The following VSTM4 variants were observed in gnomAD, a reference collection of about 807,000 sequenced individuals.
VSTM4 encodes the protein V-set and transmembrane domain-containing protein 4.
A neutral mutation model predicts 36.4 loss-of-function variants in VSTM4; 20 were observed. The observed-to-expected ratio is 0.55, with a 90% CI of 0.39 to 0.80. VSTM4 has a LOEUF of 0.80. VSTM4 is among the 30% of genes least tolerant of loss of function. The pLI is 0.00. For synonymous variants in VSTM4, 182 were observed against 173.9 expected (o/e 1.05, Z -0.37); for missense variants, 392 against 404.5 (o/e 0.97, Z 0.26).
chr10:49,038,469 G>C (rs1402822965), intron 7 of VSTM4, among the ~76,000 whole-genome samples: 8 of 152,172 alleles, frequency 5.3e-5, no homozygotes, highest in African/African-American at 1.7e-4. Context: ...GGAGTGGGGG[G>C]TGTTTCTTGA....
At chr10:49,039,206 G>A (rs2250602) in intron 7 of VSTM4, among the ~76,000 whole-genome samples, 80,367 of 151,782 alleles carry the variant, frequency 0.53, 22,361 homozygotes, top group East Asian at 0.72. Flanking sequence ...GCAGCTCTGC[G>A]GGAGGATGAG....
chr10:49,108,303 T>G (rs1457600227), intron 1 of VSTM4, among the ~76,000 whole-genome samples: 1 of 152,244 alleles, frequency 6.6e-6, no homozygotes, highest in East Asian at 1.9e-4. Flanking sequence ...TCAAATTTCA[T>G]GTAAAAGATT....
intron 5 of VSTM4, among the ~76,000 whole-genome samples, chr10:49,054,608 A>T (rs1296790460): frequency 3.3e-5 from 5 of 152,238 alleles, no homozygotes; most frequent in Admixed American, 3.3e-4. Flanking sequence ...CACTAAGAGT[A>T]TTTGGGAGCA....
At position 49,070,252 on chromosome 10, in the gene VSTM4, CAAAAAAAA is replaced by C. The variant is rs780515012; in HGVS notation, c.635-5524_635-5517del. 7.8e-4 allele frequency among the ~76,000 whole-genome samples: 17 copies of C among 21,724 alleles called. 3 individuals are homozygous for C. The highest frequency in any genetic ancestry group is 4.2e-3 in the African/African-American group (17 of 4,036). 14.3% of individuals were successfully genotyped at this position (21,724 alleles called of 152,430 possible). ...TGGGCGACAGAGCGAGACTCCGTCT[CAAAAAAAA>C]AAAAAAAAAAAAAAAAAAAGAAATA... On this transcript the variant is annotated intron_variant, in intron 4 of 7. Coordinates refer to ENST00000332853, the MANE Select transcript of VSTM4 (RefSeq NM_001031746.5).
chr10:49,060,103 A>G (rs1034586060), intron 5 of VSTM4, among the ~76,000 whole-genome samples: 1 of 152,190 alleles, frequency 6.6e-6, no homozygotes, highest in East Asian at 1.9e-4. Context: ...TTTCCAATTC[A>G]CAAGTTGATG....
At chr10:49,073,081 C>T (rs1844110489) in intron 4 of VSTM4, among the ~76,000 whole-genome samples, 1 of 152,214 alleles carries the variant, frequency 6.6e-6, no homozygotes, top group African/African-American at 2.4e-5. Context: ...CCATATTTAT[C>T]ATATCCTTTC....
chr10:49,076,210 A>C (rs1432777719), intron 4 of VSTM4, among the ~76,000 whole-genome samples: 1 of 152,166 alleles, frequency 6.6e-6, no homozygotes, highest in African/African-American at 2.4e-5. Context: ...AAGCTCTATG[A>C]CCTTGAGCTA....
intron 7 of VSTM4, among the ~76,000 whole-genome samples, chr10:49,027,692 T>C (rs1843284649): frequency 6.6e-6 from 1 of 152,226 alleles, no homozygotes. Flanking sequence ...CAAAGAATCA[T>C]ACAGTGTGTA....
chr10:49,026,148 G>C (rs1170464082), intron 7 of VSTM4, among the ~76,000 whole-genome samples: 1 of 152,198 alleles, frequency 6.6e-6, no homozygotes, highest in East Asian at 1.9e-4. Flanking sequence ...TCTTAAGACA[G>C]AGAGGCAACA....
chr10:49,111,183 G>A (rs955111495), intron 1 of VSTM4, among the ~76,000 whole-genome samples: 2 of 152,252 alleles, frequency 1.3e-5, no homozygotes, highest in African/African-American at 2.4e-5. Context: ...CAGGAGGGAG[G>A]AGAGGGAATG....
At position 49,070,346 on chromosome 10, in the gene VSTM4, G is replaced by A. The variant is rs552920448; in HGVS notation, c.635-5610C>T. On this transcript the variant is annotated intron_variant, in intron 4 of 7. Transcript: ENST00000332853. ...CTGTTGGAATGATATTCCAGATACA[G>A]TGGGTTAAGTAAAAATATTAAAATT... Among the ~76,000 whole-genome samples the A allele has an allele frequency of 3.0e-3, 449 of 151,612 alleles. 2 individuals are homozygous for A. Among genetic ancestry groups the A allele is most frequent in the African/African-American group, 0.01 (413 of 41,270 alleles).
intron 2 of VSTM4, among the ~76,000 whole-genome samples, chr10:49,093,840 C>T (rs574797274): frequency 1.3e-5 from 2 of 150,540 alleles, no homozygotes; most frequent in East Asian, 2.0e-4. Flanking sequence ...CTCCTCTTCC[C>T]GGGTTCACGC....
At chr10:49,024,907 T>A (rs1238153894) in intron 7 of VSTM4, among the ~76,000 whole-genome samples, 2 of 151,830 alleles carry the variant, frequency 1.3e-5, no homozygotes. Context: ...AAGCCCTAAC[T>A]CCTAAGACCT....
chr10:49,083,886 C>G (rs934117189), intron 3 of VSTM4, among the ~76,000 whole-genome samples: 2 of 152,212 alleles, frequency 1.3e-5, no homozygotes, highest in African/African-American at 4.8e-5. Flanking sequence ...CCTGAAAGTT[C>G]TCTGATCCCT....
Position 49,083,845 on chromosome 10 carries a change from T to C in VSTM4, c.526+2110A>G, listed in dbSNP as rs148401739. 1.1e-4 allele frequency among the ~76,000 whole-genome samples: 16 copies of C among 152,358 alleles called. No homozygotes were observed. The East Asian group carries it at 2.3e-3, about 22-fold the overall frequency. On this transcript the variant is annotated intron_variant, in intron 3 of 7. Transcript: ENST00000332853. ...CCATGGCATTTTCAAAGTATGGTCC[T>C]CAGACCACTTGCATAGGAATCACCT...
chr10:49,092,599 G>C (rs2132009036), intron 2 of VSTM4, among the ~76,000 whole-genome samples: 1 of 152,294 alleles, frequency 6.6e-6, no homozygotes, highest in African/African-American at 2.4e-5. Context: ...AAAGGGGAAG[G>C]GGCGTGCTGG....
intron 7 of VSTM4, among the ~76,000 whole-genome samples, chr10:49,036,742 A>G (rs972038405): frequency 7.9e-5 from 12 of 152,258 alleles, no homozygotes; most frequent in Admixed American, 5.9e-4. Flanking sequence ...GGCCGGGGGA[A>G]GAAACTTCTT....
intron 2 of VSTM4, among the ~76,000 whole-genome samples, chr10:49,106,271 G>A (rs978536665): frequency 2.6e-5 from 4 of 152,164 alleles, no homozygotes; most frequent in Admixed American, 2.6e-4. Flanking sequence ...TGTTATATGT[G>A]TACAATAAAA....
chr10:49,075,286 T>C (rs1160748095), intron 4 of VSTM4, among the ~76,000 whole-genome samples: 3 of 152,090 alleles, frequency 2.0e-5, no homozygotes, highest in African/African-American at 7.2e-5. Flanking sequence ...CAGTGCAGAC[T>C]CTCGATCATG....
Sources: allele counts gnomAD v4.1 joint callset (sites outside exome capture counted in the v4.1 genomes callset), GRCh38; gene constraint gnomAD v4.1.1; transcripts MANE v1.5; gene names NCBI Gene and HGNC (gene_info 2026-07-23, HGNC 2026-07-21).